FBXO4: variants seen among roughly 807,000 people sequenced by gnomAD.
The protein encoded by FBXO4 is F-box only protein 4.
A neutral mutation model predicts 43.7 loss-of-function variants in FBXO4; 36 were observed. The observed-to-expected ratio is 0.82, with a 90% confidence interval of 0.63 to 1.09. The LOEUF (loss-of-function observed/expected upper bound fraction) is 1.09, where lower values mean the gene tolerates loss of function less well. Among genes scored for constraint, FBXO4 ranks in the 50% least tolerant of loss-of-function variants. The pLI, the probability that FBXO4 is intolerant of heterozygous loss-of-function variation, is 0.00. For missense variants in FBXO4, 435 were observed against 474.1 expected, an observed-to-expected ratio of 0.92 and a Z score of 0.77; for synonymous variants, 180 against 165.6, an observed-to-expected ratio of 1.09 and a Z score of -0.67.
the FBXO4 span, among the ~76,000 whole-genome samples, chr5:41,961,741 A>G: frequency 6.6e-6 from 1 of 152,108 alleles, no homozygotes. Flanking sequence ...GGGCACTTGT[A>G]TGGTTGGGAG....
intron 5 of FBXO4, among the ~76,000 whole-genome samples, chr5:41,936,814 T>A (rs903068395): frequency 3.3e-5 from 5 of 151,712 alleles, no homozygotes; most frequent in African/African-American, 1.2e-4. Flanking sequence ...GTTGGGGGAA[T>A]CTATCCAGTG....
the FBXO4 span, among the ~76,000 whole-genome samples, chr5:42,018,962 G>A: frequency 6.6e-6 from 1 of 152,134 alleles, no homozygotes; most frequent in African/African-American, 2.4e-5. Context: ...TCAGTGTGGT[G>A]AACAGAGCGA....
At chr5:42,010,665 A>G in the FBXO4 span, among the ~76,000 whole-genome samples, 883 of 152,266 alleles carry the variant, frequency 5.8e-3, 8 homozygotes, top group Non-Finnish European at 8.4e-3. Context: ...CAAGGGGGTT[A>G]TGAAATATTT....
At chr5:41,952,050 C>A in the FBXO4 span, 1 of 234,010 alleles carries the variant, frequency 4.3e-6, no homozygotes, top group Admixed American at 4.5e-5. Flanking sequence ...ATTTATGATG[C>A]AGATGCTATC....
At chr5:41,958,131 ATTTTTTTTT>A in the FBXO4 span, among the ~76,000 whole-genome samples, 1 of 128,826 alleles carries the variant, frequency 7.8e-6, no homozygotes, top group East Asian at 2.1e-4. Flanking sequence ...CTGTTAACAA[ATTTTTTTTT>A]TTTTTTTTTT....
At chr5:42,020,942 G>C in the FBXO4 span, among the ~76,000 whole-genome samples, 11 of 152,102 alleles carry the variant, frequency 7.2e-5, no homozygotes, top group Non-Finnish European at 1.0e-4. Flanking sequence ...AGCATTCCAG[G>C]CATGCTCAAA....
chr5:41,966,495 T>C, the FBXO4 span, among the ~76,000 whole-genome samples: 7 of 152,076 alleles, frequency 4.6e-5, no homozygotes, highest in Non-Finnish European at 1.0e-4. Flanking sequence ...TACTAAGGGG[T>C]AACATACATA....
At chr5:42,039,801 G>A in the FBXO4 span, among the ~76,000 whole-genome samples, 1 of 152,086 alleles carries the variant, frequency 6.6e-6, no homozygotes, top group African/African-American at 2.4e-5. Flanking sequence ...TAATAAAAAT[G>A]GAGATTATAC....
intron 6 of FBXO4, 27 bp downstream of exon 6, chr5:41,939,643 A>C: frequency 6.5e-7 from 1 of 1,538,756 alleles, no homozygotes; most frequent in South Asian, 1.3e-5. Context: ...TCTAGTGACA[A>C]AAATTTTATT....
chr5:42,020,853 A>G, the FBXO4 span, among the ~76,000 whole-genome samples: 1 of 152,200 alleles, frequency 6.6e-6, no homozygotes, highest in African/African-American at 2.4e-5. Flanking sequence ...TGGGTTAGAC[A>G]CAGGTTGCTC....
At chr5:41,995,996 G>A in the FBXO4 span, among the ~76,000 whole-genome samples, 2 of 152,182 alleles carry the variant, frequency 1.3e-5, no homozygotes, top group South Asian at 2.1e-4. Flanking sequence ...TTTGGGTGGT[G>A]CCTGCATATC....
chr5:41,936,563 G>A (rs1390151907), intron 5 of FBXO4, among the ~76,000 whole-genome samples: 1 of 151,902 alleles, frequency 6.6e-6, no homozygotes, highest in African/African-American at 2.4e-5. Flanking sequence ...GATTGAGAGA[G>A]ACCTAGTGGA....
At chr5:42,004,905 T>C in the FBXO4 span, among the ~76,000 whole-genome samples, 1 of 152,184 alleles carries the variant, frequency 6.6e-6, no homozygotes, top group Non-Finnish European at 1.5e-5. Context: ...TTTTTCATCC[T>C]CTTCATCTTA....
Position 41,934,606 on chromosome 5 carries a change from T to A in FBXO4, c.898+298T>A, listed in dbSNP as rs1242514060. On this transcript the variant is annotated intron_variant, in intron 5 of 6. Coordinates refer to ENST00000281623, the MANE Select transcript of FBXO4 (RefSeq NM_012176.3). The stretch of plus-strand genomic sequence containing the variant: ...TTTCCAAGCACCCAGGGAATTCTGA[T>A]GCATTCCAAAGTTTGGTACTAGAGC... The A allele has an allele frequency of 6.2e-6, 8 of 1,295,036 alleles. No individual in the cohort carries two copies. The African/African-American group carries it at 8.9e-5, about 14-fold the overall frequency. The allele number at this position is 1,295,036 out of a possible 1,614,324, so 80.2% of individuals were successfully genotyped here.
chr5:41,944,039 G>C (rs1387228535), downstream of FBXO4, among the ~76,000 whole-genome samples: 1 of 152,136 alleles, frequency 6.6e-6, no homozygotes, highest in African/African-American at 2.4e-5. Context: ...CTAGAGTCCA[G>C]AATTGTGAGA....
chr5:41,937,079 A>G (rs1057027937), intron 5 of FBXO4, among the ~76,000 whole-genome samples: 1 of 152,184 alleles, frequency 6.6e-6, no homozygotes, highest in African/African-American at 2.4e-5. Flanking sequence ...CCAAAACATG[A>G]AGGGAGAGAG....
the FBXO4 span, among the ~76,000 whole-genome samples, chr5:42,030,915 C>G: frequency 2.6e-5 from 4 of 152,194 alleles, no homozygotes; most frequent in East Asian, 7.7e-4. Flanking sequence ...GAGATACCAT[C>G]TCACACCAGT....
the FBXO4 span, among the ~76,000 whole-genome samples, chr5:41,966,227 C>T: frequency 2.0e-5 from 3 of 152,102 alleles, no homozygotes; most frequent in Non-Finnish European, 4.4e-5. Flanking sequence ...AGCACACCAA[C>T]ATGGCACATA....
chr5:42,012,349 T>A, the FBXO4 span, among the ~76,000 whole-genome samples: 1 of 152,106 alleles, frequency 6.6e-6, no homozygotes. Flanking sequence ...TGTCTGTGTG[T>A]GTGTACACTG....
Sources: gnomAD v4.1 joint callset for allele counts (sites outside exome capture counted in the v4.1 genomes callset) on GRCh38, gnomAD v4.1.1 for gene constraint, MANE v1.5 for transcripts, NCBI Gene and HGNC (gene_info 2026-07-23, HGNC 2026-07-21) for gene names.